TMEM116: variants seen among roughly 807,000 people sequenced by gnomAD.
TMEM116 encodes the protein transmembrane protein 116.
Under a neutral mutation model 44.3 loss-of-function variants are expected in TMEM116, and 38 were observed. That is an observed-to-expected ratio of 0.86 (90% CI 0.66 to 1.12). The LOEUF (loss-of-function observed/expected upper bound fraction) is 1.12, where lower values mean the gene tolerates loss of function less well. Among genes scored for constraint, TMEM116 ranks in the 50% most tolerant of loss-of-function variants. The probability of loss-of-function intolerance (pLI) is 0.00; values close to 1 mark genes in which losing one functional copy is unlikely to be tolerated. For synonymous variants in TMEM116, 132 were observed against 144.8 expected, an observed-to-expected ratio of 0.91 and a Z score of 0.64; for missense variants, 354 against 401.7, an observed-to-expected ratio of 0.88 and a Z score of 1.01.
intron 8 of TMEM116, 196 bp from the exon 9 acceptor site, chr12:111,934,226 G>C (rs2071931186): frequency 1.7e-6 from 1 of 602,336 alleles, no homozygotes; most frequent in Non-Finnish European, 2.8e-6. Flanking sequence ...TACTAGGCTA[G>C]GGAAATGGAC....
intron 4 of TMEM116, among the ~76,000 whole-genome samples, chr12:111,975,171 G>A (rs756129223): frequency 3.3e-5 from 5 of 152,206 alleles, no homozygotes; most frequent in Non-Finnish European, 7.3e-5. Context: ...TTGAGACAGA[G>A]TCTTGCTCTC....
In TMEM116 at chr12:111,993,872, C is replaced by T; in HGVS notation, c.79-1983G>A. 1.2e-5 allele frequency: 9 copies of T among 746,686 alleles called. No individual in the cohort carries two copies. In the South Asian group the frequency reaches 1.2e-4, roughly 10 times the overall value. 46.3% of individuals were successfully genotyped at this position (746,686 alleles called of 1,614,324 possible). ...TTGAATAAAGAAAAAGGTAGCAGTGCTTCTCAAGTCCTCCAGAGACTTGGA... is the reference window on the plus strand; with the variant it reads ...TTGAATAAAGAAAAAGGTAGCAGTGTTTCTCAAGTCCTCCAGAGACTTGGA... On this transcript the variant is annotated intron_variant, in intron 3 of 10. Coordinates refer to ENST00000552374, the MANE Select transcript of TMEM116 (RefSeq NM_001193531.2).
chr12:111,958,563 A>T (rs76850393), intron 4 of TMEM116, among the ~76,000 whole-genome samples: 2,331 of 152,294 alleles, frequency 0.015, 68 homozygotes, highest in African/African-American at 0.053. Flanking sequence ...TTAAAGGAGC[A>T]CATTCTAACC....
chr12:111,974,122 C>A (rs765000064), intron 4 of TMEM116, among the ~76,000 whole-genome samples: 2 of 151,768 alleles, frequency 1.3e-5, no homozygotes, highest in Non-Finnish European at 2.9e-5. Context: ...AATATAACAT[C>A]CATTCTCAAT....
At chr12:111,934,560 GA>G (rs1468906384) in intron 8 of TMEM116, 1 of 152,342 alleles carries the variant, frequency 6.6e-6, no homozygotes, top group Non-Finnish European at 1.5e-5. Context: ...AGGAGTTCAA[GA>G]CAGCCTGACC....
At chr12:111,974,119 C>T (rs559298311) in intron 4 of TMEM116, among the ~76,000 whole-genome samples, 2 of 151,612 alleles carry the variant, frequency 1.3e-5, no homozygotes, top group South Asian at 4.2e-4. Context: ...AAAAATATAA[C>T]ATCCATTCTC....
rs547837916 is a variant in TMEM116 at position 111,992,063 on chromosome 12, T to C, written c.79-174A>G. ...GGAAGACTACAGATAGGAAGGAATC[T>C]ATAACCACTATAACCACAGTTATCC... On this transcript the variant is annotated intron_variant, in intron 3 of 10. Transcript: ENST00000552374. Among the ~76,000 whole-genome samples the C allele has an allele frequency of 6.6e-5, 10 of 152,294 alleles. No homozygotes were observed. In the South Asian group the frequency reaches 1.9e-3, roughly 28 times the overall value.
intron 4 of TMEM116, among the ~76,000 whole-genome samples, chr12:111,963,658 G>A (rs935027563): frequency 4.6e-5 from 7 of 152,076 alleles, no homozygotes; most frequent in Admixed American, 3.3e-4. Context: ...ACACACCAGG[G>A]CCTGTCAGGG....
chr12:111,999,576 G>A (rs914765485), intron 3 of TMEM116, among the ~76,000 whole-genome samples: 6 of 151,370 alleles, frequency 4.0e-5, no homozygotes, highest in Middle Eastern at 3.2e-3. Context: ...TCCAGCTTGG[G>A]CTACAGAGCG....
intron 3 of TMEM116, among the ~76,000 whole-genome samples, chr12:111,994,294 A>T (rs930138231): frequency 5.9e-5 from 9 of 152,196 alleles, no homozygotes; most frequent in Non-Finnish European, 1.3e-4. Flanking sequence ...TTGAAAAAAA[A>T]AGAAGAACTT....
intron 1 of TMEM116, among the ~76,000 whole-genome samples, chr12:112,008,259 G>A (rs1392497829): frequency 6.6e-6 from 1 of 152,160 alleles, no homozygotes; most frequent in Non-Finnish European, 1.5e-5. Flanking sequence ...GAGGCGTGTG[G>A]ATCACAAGGT....
intron 8 of TMEM116, 182 bp from the exon 9 acceptor site, chr12:111,934,212 C>T: frequency 1.5e-6 from 1 of 674,104 alleles, no homozygotes; most frequent in South Asian, 2.1e-5. Context: ...TCAGAGTGAA[C>T]TTTTACTAGG....
At chr12:111,936,901 A>T in intron 7 of TMEM116, 71 bp from the exon 8 acceptor site, 1 of 1,469,546 alleles carries the variant, frequency 6.8e-7, no homozygotes, top group Non-Finnish European at 9.2e-7. Flanking sequence ...AAGACTTAAT[A>T]AGCATGTTAT....
intron 8 of TMEM116, chr12:111,934,338 T>C (rs1368402980): frequency 1.5e-5 from 4 of 267,438 alleles, no homozygotes; most frequent in African/African-American, 8.9e-5. Context: ...ACCCAGGAAG[T>C]TAAAAGTAAG....
chr12:112,006,646 A>G (rs567932296), intron 1 of TMEM116, among the ~76,000 whole-genome samples: 32 of 152,374 alleles, frequency 2.1e-4, no homozygotes, highest in African/African-American at 7.7e-4. Context: ...CTTATAATAT[A>G]GTAGGAAAAA....
chr12:111,977,625 A>T (rs1465170033), intron 4 of TMEM116, among the ~76,000 whole-genome samples: 1 of 152,190 alleles, frequency 6.6e-6, no homozygotes, highest in Non-Finnish European at 1.5e-5. Context: ...AAGAAAAAAA[A>T]TCAGAGAAGG....
chr12:111,969,519 C>T (rs1478024913), intron 4 of TMEM116, among the ~76,000 whole-genome samples: 6 of 151,676 alleles, frequency 4.0e-5, no homozygotes, highest in Non-Finnish European at 5.9e-5. Flanking sequence ...CTCAGCCTCC[C>T]GAATAGGTGG....
intron 4 of TMEM116, among the ~76,000 whole-genome samples, chr12:111,990,047 A>G (rs900146927): frequency 6.6e-6 from 1 of 152,180 alleles, no homozygotes; most frequent in Non-Finnish European, 1.5e-5. Flanking sequence ...CGAGGTCAGG[A>G]GATCGAGACC....
intron 4 of TMEM116, among the ~76,000 whole-genome samples, chr12:111,957,505 C>A (rs1442521595): frequency 3.3e-5 from 5 of 150,888 alleles, no homozygotes; most frequent in Admixed American, 1.3e-4. Flanking sequence ...GGGGCAGCGC[C>A]CCCCTGGCCA....
Sources: gnomAD v4.1 joint callset for allele counts (sites outside exome capture counted in the v4.1 genomes callset) on GRCh38, gnomAD v4.1.1 for gene constraint, MANE v1.5 for transcripts, NCBI Gene and HGNC (gene_info 2026-07-23, HGNC 2026-07-21) for gene names.